Variants in LRMDA observed in about 807,000 individuals in gnomAD.
LRMDA encodes leucine-rich melanocyte differentiation-associated protein.
In LRMDA, 18 loss-of-function variants were observed where a neutral mutation model predicts 29.8. That is an observed-to-expected ratio of 0.60 (90% CI 0.42 to 0.90). The LOEUF is 0.90. Ranked by LOEUF, LRMDA falls within the 40% of genes least tolerant of loss-of-function variation. The pLI, the probability that LRMDA is intolerant of heterozygous loss-of-function variation, is 0.00. For missense variants in LRMDA, 273 were observed against 273.9 expected, an observed-to-expected ratio of 1.00 and a Z score of 0.02; for synonymous variants, 125 against 109.4, an observed-to-expected ratio of 1.14 and a Z score of -0.89.
intron 6 of LRMDA, among the ~76,000 whole-genome samples, chr10:76,477,423 T>C (rs4746399): frequency 0.69 from 104,077 of 151,530 alleles, 37,309 homozygotes; most frequent in Non-Finnish European, 0.81. Context: ...AATGGAAGAA[T>C]ATTCCATGCT....
chr10:75,891,123 G>T (rs944980033), intron 2 of LRMDA, among the ~76,000 whole-genome samples: 3 of 149,916 alleles, frequency 2.0e-5, no homozygotes, highest in African/African-American at 7.4e-5. Context: ...AAAAAAGAAA[G>T]AAAGAAAGAA....
chr10:76,252,788 G>T (rs2132298803), intron 5 of LRMDA, among the ~76,000 whole-genome samples: 1 of 152,254 alleles, frequency 6.6e-6, no homozygotes, highest in African/African-American at 2.4e-5. Flanking sequence ...TATTGGGAAG[G>T]TTTCTGTATG....
intron 2 of LRMDA, among the ~76,000 whole-genome samples, chr10:75,633,328 G>T (rs528312908): frequency 6.6e-6 from 1 of 152,190 alleles, no homozygotes; most frequent in Non-Finnish European, 1.5e-5. Flanking sequence ...GTAACCCATT[G>T]TGTAAGTGAA....
At chr10:75,942,702 G>A (rs866610428) in intron 2 of LRMDA, among the ~76,000 whole-genome samples, 73 of 152,176 alleles carry the variant, frequency 4.8e-4, no homozygotes, top group Admixed American at 7.2e-4. Context: ...ATCAATTAAT[G>A]TGCTGATGAG....
At chr10:76,387,000 G>A (rs561571139) in intron 6 of LRMDA, among the ~76,000 whole-genome samples, 2 of 151,940 alleles carry the variant, frequency 1.3e-5, no homozygotes, top group South Asian at 4.2e-4. Context: ...TATTACTGAG[G>A]GCCTATAAAA....
intron 6 of LRMDA, among the ~76,000 whole-genome samples, chr10:76,543,684 A>G (rs1490480449): frequency 1.3e-5 from 2 of 152,106 alleles, no homozygotes; most frequent in African/African-American, 4.8e-5. Flanking sequence ...AAGCTCTTAT[A>G]CATGCAGTAC....
intron 6 of LRMDA, among the ~76,000 whole-genome samples, chr10:76,522,200 A>G (rs992308314): frequency 1.3e-5 from 2 of 152,146 alleles, no homozygotes; most frequent in African/African-American, 4.8e-5. Flanking sequence ...TTCTTATCCA[A>G]TTAATTCACA....
intron 5 of LRMDA, among the ~76,000 whole-genome samples, chr10:76,272,831 G>T (rs1181583647): frequency 6.6e-6 from 1 of 152,168 alleles, no homozygotes; most frequent in Non-Finnish European, 1.5e-5. Flanking sequence ...ACATGGCAGG[G>T]AGAGAGAGCA....
At chr10:75,994,868 A>G (rs1251113112) in intron 2 of LRMDA, among the ~76,000 whole-genome samples, 1 of 152,232 alleles carries the variant, frequency 6.6e-6, no homozygotes, top group African/African-American at 2.4e-5. Context: ...ACAGTACAAT[A>G]ACCCATAATT....
At chr10:75,442,244 T>G (rs1165954978) in intron 2 of LRMDA, among the ~76,000 whole-genome samples, 1 of 152,212 alleles carries the variant, frequency 6.6e-6, no homozygotes, top group Non-Finnish European at 1.5e-5. Flanking sequence ...ACATATCCCT[T>G]ACTTCACACA....
intron 6 of LRMDA, among the ~76,000 whole-genome samples, chr10:76,419,329 A>C (rs1842050113): frequency 6.6e-6 from 1 of 152,068 alleles, no homozygotes; most frequent in Admixed American, 6.6e-5. Context: ...ATATAAATGG[A>C]ATCATACAGC....
rs1840921369 is a variant in LRMDA at position 76,332,876 on chromosome 10, TC to T, written c.601+8392del. Among the ~76,000 whole-genome samples, 6 of 152,322 alleles carry T rather than the reference TC, an allele frequency of 3.9e-5. No individual in the cohort carries two copies. The South Asian group carries it at 1.2e-3, about 32-fold the overall frequency. Reference sequence around the variant, plus strand: ...GAAATAGAGAATATTATCTCTATCTTCTAGGAATTTATGGTTTGATTGAGGA... The same window carrying T: ...GAAATAGAGAATATTATCTCTATCTTTAGGAATTTATGGTTTGATTGAGGA... On this transcript the variant is annotated intron_variant, in intron 6 of 6. Coordinates refer to ENST00000611255, the MANE Select transcript of LRMDA (RefSeq NM_001305581.2).
At chr10:76,055,089 AAAAAAG>A (rs1195089383) in intron 4 of LRMDA, among the ~76,000 whole-genome samples, 29 of 125,560 alleles carry the variant, frequency 2.3e-4, no homozygotes, top group Non-Finnish European at 4.1e-4. Context: ...AAAAAAAAAA[AAAAAAG>A]AAAAAGAAAA....
chr10:75,684,902 C>T (rs770026077), intron 2 of LRMDA, among the ~76,000 whole-genome samples: 5 of 152,170 alleles, frequency 3.3e-5, no homozygotes, highest in Non-Finnish European at 7.3e-5. Context: ...AAATATTTTC[C>T]ACTTTCTCCC....
Position 76,280,158 on chromosome 10 carries a change from A to G in LRMDA, c.517-44243A>G, listed in dbSNP as rs118158099. ...CCAAGGCCTGAGCCAGAGAAGAGGTATTTATACTTTGATTCAAGGAACATG... is the reference window on the plus strand; with the variant it reads ...CCAAGGCCTGAGCCAGAGAAGAGGTGTTTATACTTTGATTCAAGGAACATG... On this transcript the variant is annotated intron_variant, in intron 5 of 6. Transcript: ENST00000611255. 3.2e-3 allele frequency among the ~76,000 whole-genome samples: 489 copies of G among 152,354 alleles called. 22 individuals are homozygous for G. The East Asian group carries it at 0.076, about 24-fold the overall frequency.
At chr10:76,376,209 A>G (rs992638250) in intron 6 of LRMDA, among the ~76,000 whole-genome samples, 2 of 152,106 alleles carry the variant, frequency 1.3e-5, no homozygotes, top group African/African-American at 4.8e-5. Flanking sequence ...ATCTATGCGT[A>G]TACATTATTT....
chr10:76,294,462 C>T (rs769385209), intron 5 of LRMDA, among the ~76,000 whole-genome samples: 1 of 152,164 alleles, frequency 6.6e-6, no homozygotes, highest in Non-Finnish European at 1.5e-5. Context: ...ATTTCCTTTC[C>T]TAAGTCTGAG....
At chr10:76,299,156 CGTGTGT>C (rs111635114) in intron 5 of LRMDA, among the ~76,000 whole-genome samples, 78 of 147,302 alleles carry the variant, frequency 5.3e-4, no homozygotes, top group Non-Finnish European at 6.9e-4. Context: ...AGAGAAGAGC[CGTGTGT>C]GTGTGTGTGT....
Position 75,644,154 on chromosome 10 carries a change from A to C in LRMDA, c.131+205660A>C, listed in dbSNP as rs1841487125. Among the ~76,000 whole-genome samples the C allele has an allele frequency of 5.9e-5, 9 of 152,324 alleles. 1 individual carries two copies. The South Asian group carries it at 1.9e-3, about 32-fold the overall frequency. The stretch of plus-strand genomic sequence containing the variant: ...CCCTCTTATCCCAAGACAGGGATTA[A>C]GATAGAATGGATGGTGACCCTTCTG... On this transcript the variant is annotated intron_variant, in intron 2 of 6. Transcript: ENST00000611255.
Sources: allele counts gnomAD v4.1 joint callset (sites outside exome capture counted in the v4.1 genomes callset), GRCh38; gene constraint gnomAD v4.1.1; transcripts MANE v1.5; gene names NCBI Gene and HGNC (gene_info 2026-07-23, HGNC 2026-07-21).